ADGRB3: variants seen among roughly 807,000 people sequenced by gnomAD.
The protein encoded by ADGRB3 is adhesion G protein-coupled receptor B3, also known as brain-specific angiogenesis inhibitor 3.
ADGRB3 carries 37 observed loss-of-function variants against 193.4 expected under a neutral mutation model. The ratio of observed to expected loss-of-function variants is 0.19; its 90% CI spans 0.15 to 0.25. The LOEUF is 0.25. ADGRB3 is among the 10% of genes least tolerant of loss of function. The pLI is 1.00. For synonymous variants in ADGRB3, 690 were observed against 644.2 expected (o/e 1.07, Z -1.08); for missense variants, 1,637 against 1,852.9 (o/e 0.88, Z 2.14).
chr6:69,167,111 T>C (rs984727167), intron 17 of ADGRB3, among the ~76,000 whole-genome samples: 22 of 152,148 alleles, frequency 1.4e-4, no homozygotes, highest in Non-Finnish European at 2.4e-4. Flanking sequence ...TTCTTGGGCA[T>C]TTATTGCTCA....
At position 69,311,675 on chromosome 6, in the gene ADGRB3, C is replaced by T. The variant is rs560040626; in HGVS notation, c.2815-13197C>T. On this transcript the variant is annotated intron_variant, in intron 20 of 31. Transcript: ENST00000370598. ...ATAAAATATGCTAATTTATTTACAT[C>T]AACACCCAGTTTTTCTTCCTTTCTA... is the stretch of plus-strand genomic sequence containing the variant. 2.5e-4 allele frequency among the ~76,000 whole-genome samples: 38 copies of T among 151,826 alleles called. No individual in the cohort carries two copies. In the South Asian group the frequency reaches 3.5e-3, roughly 14 times the overall value.
Position 69,260,245 on chromosome 6 carries a change from G to C in ADGRB3, c.2814+21019G>C, listed in dbSNP as rs7757740. ...TGGATGAGAATGGCTTTTGGGTAAA[G>C]TATTTTGTCTATGATTTTACATGGT... is the stretch of plus-strand genomic sequence containing the variant. On this transcript the variant is annotated intron_variant, in intron 20 of 31. Coordinates refer to ENST00000370598, the MANE Select transcript of ADGRB3 (RefSeq NM_001704.3). Among the ~76,000 whole-genome samples, 2 of 152,110 alleles carry C rather than the reference G, an allele frequency of 1.3e-5. 1 individual carries two copies. Among genetic ancestry groups the C allele is most frequent in the African/African-American group, 4.8e-5 (2 of 41,424 alleles).
intron 17 of ADGRB3, among the ~76,000 whole-genome samples, chr6:69,171,410 A>C (rs972967450): frequency 6.6e-6 from 1 of 152,222 alleles, no homozygotes; most frequent in Non-Finnish European, 1.5e-5. Context: ...TGGCCTGGCC[A>C]ACTTCCATAC....
chr6:69,178,743 A>G (rs1283446116), intron 17 of ADGRB3, among the ~76,000 whole-genome samples: 1 of 152,116 alleles, frequency 6.6e-6, no homozygotes, highest in Non-Finnish European at 1.5e-5. Flanking sequence ...TATTAGTTGG[A>G]ATTTCTTTTA....
At chr6:69,016,068 A>T (rs1770081085) in intron 12 of ADGRB3, among the ~76,000 whole-genome samples, 1 of 151,998 alleles carries the variant, frequency 6.6e-6, no homozygotes, top group African/African-American at 2.4e-5. Flanking sequence ...ATTTTGGAAT[A>T]TAGCCACACC....
chr6:68,775,885 G>C (rs1266401196), intron 3 of ADGRB3, among the ~76,000 whole-genome samples: 6 of 152,022 alleles, frequency 3.9e-5, no homozygotes, highest in Non-Finnish European at 5.9e-5. Context: ...ACATCCAACT[G>C]ATTTACTATA....
chr6:68,936,471 T>G, intron 4 of ADGRB3, 48 bp from the exon 5 acceptor site: 1 of 1,567,106 alleles, frequency 6.4e-7, no homozygotes, highest in Non-Finnish European at 8.7e-7. Flanking sequence ...GCTTACTAGA[T>G]GAATACTTAA....
intron 17 of ADGRB3, among the ~76,000 whole-genome samples, chr6:69,211,332 C>G (rs1427787158): frequency 6.6e-6 from 1 of 152,056 alleles, no homozygotes; most frequent in Non-Finnish European, 1.5e-5. Context: ...ACCCCTGATG[C>G]AGTGGAATAT....
At chr6:68,782,623 C>T (rs1017272960) in intron 3 of ADGRB3, among the ~76,000 whole-genome samples, 1 of 152,150 alleles carries the variant, frequency 6.6e-6, no homozygotes, top group African/African-American at 2.4e-5. Flanking sequence ...TCCACATCCT[C>T]TCCAGCACCT....
intron 17 of ADGRB3, among the ~76,000 whole-genome samples, chr6:69,138,974 T>C (rs897119805): frequency 1.3e-5 from 2 of 152,238 alleles, no homozygotes; most frequent in Non-Finnish European, 2.9e-5. Flanking sequence ...CTGGTTTTTG[T>C]GTTTACCCTA....
chr6:69,245,777 T>G (rs16900597), intron 20 of ADGRB3, among the ~76,000 whole-genome samples: 2 of 152,048 alleles, frequency 1.3e-5, no homozygotes, highest in Non-Finnish European at 2.9e-5. Context: ...TTCCAGTGCA[T>G]ACCTATTCTC....
intron 3 of ADGRB3, among the ~76,000 whole-genome samples, chr6:68,849,176 A>G (rs1272537252): frequency 6.6e-6 from 1 of 151,984 alleles, no homozygotes; most frequent in Non-Finnish European, 1.5e-5. Flanking sequence ...ATATAAGAAA[A>G]CATCAGTTTC....
chr6:69,388,372 C>G (rs76229414), intron 31 of ADGRB3, among the ~76,000 whole-genome samples: 1 of 152,016 alleles, frequency 6.6e-6, no homozygotes, highest in Non-Finnish European at 1.5e-5. Context: ...TTAGTGGTGA[C>G]TTAACTCTCC....
chr6:69,228,440 T>C (rs58964473), intron 17 of ADGRB3, among the ~76,000 whole-genome samples: 294 of 152,262 alleles, frequency 1.9e-3, no homozygotes, highest in African/African-American at 6.6e-3. Context: ...TCAACTAATA[T>C]TATGATGTTG....
At chr6:68,930,728 G>T in intron 4 of ADGRB3, 59 bp downstream of exon 4, 4 of 1,248,824 alleles carry the variant, frequency 3.2e-6, no homozygotes, top group Non-Finnish European at 4.5e-6. Context: ...ACCACTGCAT[G>T]TTTTCATAAT....
intron 15 of ADGRB3, among the ~76,000 whole-genome samples, chr6:69,051,427 A>G (rs192031026): frequency 5.3e-5 from 8 of 152,284 alleles, no homozygotes; most frequent in Admixed American, 5.2e-4. Flanking sequence ...AGAATTACAA[A>G]TTTGTTTACC....
chr6:68,918,396 G>A (rs757877505), intron 3 of ADGRB3, among the ~76,000 whole-genome samples: 32 of 152,112 alleles, frequency 2.1e-4, no homozygotes, highest in Non-Finnish European at 3.8e-4. Context: ...GATCATGTTA[G>A]TGTTCTCATA....
chr6:68,779,123 C>T (rs1766805641), intron 3 of ADGRB3, among the ~76,000 whole-genome samples: 1 of 151,842 alleles, frequency 6.6e-6, no homozygotes, highest in Non-Finnish European at 1.5e-5. Flanking sequence ...TGTATACACA[C>T]ACACACTCAC....
rs142859002 is a variant in ADGRB3, at chr6:69,295,669, G to A, written c.2815-29203G>A. 3.9e-5 allele frequency among the ~76,000 whole-genome samples: 6 copies of A among 152,306 alleles called. No individual in the cohort carries two copies. In the East Asian group the frequency reaches 9.7e-4, roughly 25 times the overall value. On this transcript the variant is annotated intron_variant, in intron 20 of 31. Transcript: ENST00000370598. Reference sequence around the variant, plus strand: ...CACCTCTACGCTGGTGATGCCTCATGCAAACACCAAGGGAGGAGATGCAGT... The same window carrying A: ...CACCTCTACGCTGGTGATGCCTCATACAAACACCAAGGGAGGAGATGCAGT...
Sources: allele counts gnomAD v4.1 joint callset (sites outside exome capture counted in the v4.1 genomes callset), GRCh38; gene constraint gnomAD v4.1.1; transcripts MANE v1.5; gene names NCBI Gene and HGNC (gene_info 2026-07-23, HGNC 2026-07-21).